The following ANKS3 variants were observed in gnomAD, a reference collection of about 807,000 sequenced individuals.
The protein encoded by ANKS3 is ankyrin repeat and sterile alpha motif domain containing 3.
A neutral mutation model predicts 80.7 loss-of-function variants in ANKS3; 62 were observed. The ratio of observed to expected loss-of-function variants is 0.77; its 90% CI spans 0.63 to 0.95. The LOEUF is 0.95. Among genes scored for constraint, ANKS3 ranks in the 40% least tolerant of loss-of-function variants. The pLI is 0.00. For synonymous variants in ANKS3, 489 were observed against 355.3 expected, an observed-to-expected ratio of 1.38 and a Z score of -4.23; for missense variants, 1,150 against 883.6, an observed-to-expected ratio of 1.30 and a Z score of -3.82.
rs1005481893 is a variant in ANKS3, at chr16:4,720,917, A to T, written c.573+3833T>A. Among the ~76,000 whole-genome samples, 122 of 150,166 alleles carry T rather than the reference A, an allele frequency of 8.1e-4. 4 individuals are homozygous for T. Among genetic ancestry groups the T allele is most frequent in the Non-Finnish European group, 1.4e-3 (95 of 67,268 alleles). On this transcript the variant is annotated intron_variant, in intron 6 of 17. Coordinates refer to ENST00000304283, the MANE Select transcript of ANKS3 (RefSeq NM_133450.4). ...GCGCCACTGCACTCCAGCCAGGGCTACAGAGCGAGACTCCATCTCAAAACA... is the reference window on the plus strand; with the variant it reads ...GCGCCACTGCACTCCAGCCAGGGCTTCAGAGCGAGACTCCATCTCAAAACA...
chr16:4,699,328 G>C, intron 11 of ANKS3, 152 bp from the exon 12 acceptor site: 4 of 1,082,304 alleles, frequency 3.7e-6, no homozygotes, highest in Non-Finnish European at 5.3e-6. Context: ...TACTCTGGTG[G>C]CTCAGGCAGG....
chr16:4,733,910 G>GT (rs1347248338), intron 1 of ANKS3, 28 bp downstream of exon 1: 5 of 985,318 alleles, frequency 5.1e-6, no homozygotes, highest in Non-Finnish European at 6.0e-6. Flanking sequence ...CCCGGGGCGG[G>GT]TCCCTGGCCG....
rs2142192323 is a variant in ANKS3 at position 4,734,182 on chromosome 16, G to A, written c.-315C>T. The A allele has an allele frequency of 3.6e-6, 1 of 274,964 alleles. No individual in the cohort carries two copies. Among genetic ancestry groups the A allele is most frequent in the Non-Finnish European group, 5.3e-6 (1 of 189,640 alleles). The allele number at this position is 274,964 out of a possible 1,614,324, so 17.0% of individuals were successfully genotyped here. A position where few individuals can be genotyped will look rare whatever the true frequency, so the allele number is the denominator to read the frequency against. Reference sequence around the variant, plus strand: ...TGTGCTGGGCCTCAGGCCTTGCGCCGCCCTCGGGCTGCCGTCGCCAACCCC... The same window carrying A: ...TGTGCTGGGCCTCAGGCCTTGCGCCACCCTCGGGCTGCCGTCGCCAACCCC... On this transcript the variant is annotated 5_prime_UTR_variant, in exon 1 of 18. Coordinates refer to ENST00000304283, the MANE Select transcript of ANKS3 (RefSeq NM_133450.4).
intron 8 of ANKS3, among the ~76,000 whole-genome samples, chr16:4,702,647 C>T (rs570484148): frequency 6.6e-6 from 1 of 152,294 alleles, no homozygotes; most frequent in African/African-American, 2.4e-5. Flanking sequence ...CCTTTAACCA[C>T]AGGCGCTTAG....
At chr16:4,709,060 G>C (rs1382874163) in intron 7 of ANKS3, among the ~76,000 whole-genome samples, 1 of 151,994 alleles carries the variant, frequency 6.6e-6, no homozygotes, top group Non-Finnish European at 1.5e-5. Flanking sequence ...GGGCCCAGGA[G>C]TTTGAGACCA....
chr16:4,716,704 C>A (rs1467173950), intron 6 of ANKS3, among the ~76,000 whole-genome samples: 1 of 151,518 alleles, frequency 6.6e-6, no homozygotes, highest in African/African-American at 2.4e-5. Context: ...GATCATAGGT[C>A]ATGAGTTCGA....
intron 7 of ANKS3, among the ~76,000 whole-genome samples, chr16:4,706,937 G>A (rs570419208): frequency 6.6e-6 from 1 of 152,312 alleles, no homozygotes; most frequent in Non-Finnish European, 1.5e-5. Context: ...AAGAGGGAGA[G>A]CTCAGGCCCT....
intron 6 of ANKS3, among the ~76,000 whole-genome samples, chr16:4,722,241 A>C (rs2081140087): frequency 6.6e-6 from 1 of 151,382 alleles, no homozygotes; most frequent in South Asian, 2.1e-4. Context: ...AAAACAAACT[A>C]TCCAATAGAA....
rs543144338 is a variant in ANKS3 at position 4,698,157 on chromosome 16, C to T, written c.1725-95G>A. 1,382 of 1,396,792 alleles carry T rather than the reference C, an allele frequency of 9.9e-4. 2 individuals carry two copies. Among genetic ancestry groups the T allele is most frequent in the Non-Finnish European group, 1.3e-3 (1,329 of 1,020,316 alleles). The allele number at this position is 1,396,792 out of a possible 1,614,324, so 86.5% of individuals were successfully genotyped here. A position where few individuals can be genotyped will look rare whatever the true frequency, so the allele number is the denominator to read the frequency against. ...TTCTAGGGGAGGGAGGGGCTCAGCC[C>T]TGTCCTTGCAGCTGGCCCTCATGGG... On this transcript the variant is annotated intron_variant, in intron 14 of 17. Coordinates refer to ENST00000304283, the MANE Select transcript of ANKS3 (RefSeq NM_133450.4).
chr16:4,696,953 C>T lies in ANKS3; in HGVS notation c.*12-57G>A, dbSNP rs982280626. 3.9e-6 allele frequency: 6 copies of T among 1,521,412 alleles called. No individual in the cohort carries two copies. The African/African-American group carries it at 8.2e-5, about 21-fold the overall frequency. The allele number at this position is 1,521,412 out of a possible 1,614,324, so 94.2% of individuals were successfully genotyped here. On this transcript the variant is annotated intron_variant, in intron 17 of 17. Transcript: ENST00000304283. ...GGGACAGGTGGGTGCATACCCACACCTGCAGCCGCCCAGACAGGCCCTGCT... is the reference window on the plus strand; with the variant it reads ...GGGACAGGTGGGTGCATACCCACACTTGCAGCCGCCCAGACAGGCCCTGCT...
At chr16:4,710,945 A>C (rs1008210763) in intron 7 of ANKS3, among the ~76,000 whole-genome samples, 1 of 149,468 alleles carries the variant, frequency 6.7e-6, no homozygotes, top group African/African-American at 2.5e-5. Flanking sequence ...GCACACCACC[A>C]CATTGGCTTA....
intron 6 of ANKS3, among the ~76,000 whole-genome samples, chr16:4,721,304 CAAA>C (rs528222353): frequency 1.2e-4 from 9 of 75,280 alleles, no homozygotes; most frequent in African/African-American, 2.4e-4. Flanking sequence ...GACGCCATCT[CAAA>C]AAAAAAAAAA....
chr16:4,716,944 T>C (rs1464943089), intron 6 of ANKS3, among the ~76,000 whole-genome samples: 1 of 151,336 alleles, frequency 6.6e-6, no homozygotes, highest in African/African-American at 2.4e-5. Flanking sequence ...ATAACAATAA[T>C]TTATAAGCTG....
chr16:4,725,219 C>A (rs142233047), intron 5 of ANKS3: 1 of 166,138 alleles, frequency 6.0e-6, no homozygotes, highest in Non-Finnish European at 1.3e-5. Context: ...CCTCCATGAA[C>A]CCACTCTGAA....
chr16:4,709,342 G>T (rs2080366319), intron 7 of ANKS3, among the ~76,000 whole-genome samples: 1 of 151,428 alleles, frequency 6.6e-6, no homozygotes, highest in Non-Finnish European at 1.5e-5. Flanking sequence ...GGAGGTGGAG[G>T]TTGCAGTGAG....
At chr16:4,723,960 T>C (rs1370504162) in intron 6 of ANKS3, among the ~76,000 whole-genome samples, 1 of 151,988 alleles carries the variant, frequency 6.6e-6, no homozygotes, top group African/African-American at 2.4e-5. Context: ...ACTTGGGGGC[T>C]GAGGCAGGAG....
In ANKS3 at chr16:4,723,592, C is replaced by G. The variant is rs1347468643; in HGVS notation, c.573+1158G>C. 2.6e-5 allele frequency among the ~76,000 whole-genome samples: 4 copies of G among 152,312 alleles called. No homozygotes were observed. The South Asian group carries it at 8.3e-4, about 32-fold the overall frequency. On this transcript the variant is annotated intron_variant, in intron 6 of 17. Coordinates refer to ENST00000304283, the MANE Select transcript of ANKS3 (RefSeq NM_133450.4). ...CGTGCGCCACCGCACCCAGCCCAGC[C>G]TAACGCATCAGGGTTCACCCCTGCC...
rs370919758 is a variant in ANKS3 at position 4,698,018 on chromosome 16, G to C, written c.1769C>G (p.Pro590Arg). 28 of 1,608,166 alleles carry C rather than the reference G, an allele frequency of 1.7e-5. No homozygotes were observed. The East Asian group carries it at 2.2e-4, about 13-fold the overall frequency. Residue 590 changes from proline to arginine, a missense_variant, in exon 15 of 18, where the codon CCC becomes CGC. Pro to Arg is a moderately radical substitution (Grantham distance 103, BLOSUM62 -2). Coordinates refer to ENST00000304283, the MANE Select transcript of ANKS3 (RefSeq NM_133450.4). ...TAGGCCCAGAGTGGCTGCACCAGGG[G>C]GCTGGTCCTGCCTCACTCGAGATGA... Reference protein sequence around the residue: ...ELSSRVRQDQPPGAATLGLAV... With the variant: ...ELSSRVRQDQRPGAATLGLAV...
In ANKS3 at chr16:4,698,568, T is replaced by C. The variant is rs760727197; in HGVS notation, c.1583A>G (p.Gln528Arg). 13 of 1,575,122 alleles carry C rather than the reference T, an allele frequency of 8.3e-6. No individual in the cohort carries two copies. The highest frequency in any genetic ancestry group is 2.7e-5 in the African/African-American group (2 of 74,196). The change falls in exon 14 of 18, where the codon CAG (glutamine) becomes CGG (arginine). Residue 528 changes from glutamine (Q) to arginine (R), a missense_variant. Gln to Arg is a conservative substitution (Grantham distance 43). Coordinates refer to ENST00000304283, the MANE Select transcript of ANKS3 (RefSeq NM_133450.4). ...GCGCAGCTCCTGCTCCTGACACACC[T>C]GGCCCCGCGTGGCCTCTACCTCCTC... ...RCEEVEATRG[Q>R]VCQEQELRAV...
Sources: gnomAD v4.1 joint callset for allele counts (sites outside exome capture counted in the v4.1 genomes callset) on GRCh38, gnomAD v4.1.1 for gene constraint, MANE v1.5 for transcripts, NCBI Gene and HGNC (gene_info 2026-07-23, HGNC 2026-07-21) for gene names.